Variants in DAB1 observed in about 807,000 individuals in gnomAD.
The protein encoded by DAB1 is disabled homolog 1.
Under a neutral mutation model 64.6 loss-of-function variants are expected in DAB1, and 15 were observed. The ratio of observed to expected loss-of-function variants is 0.23; its 90% CI spans 0.16 to 0.36. The LOEUF (loss-of-function observed/expected upper bound fraction) is 0.36, where lower values mean the gene tolerates loss of function less well. Among genes scored for constraint, DAB1 ranks in the 10% least tolerant of loss-of-function variants. The pLI, the probability that DAB1 is intolerant of heterozygous loss-of-function variation, is 1.00. For synonymous variants in DAB1, 235 were observed against 251.9 expected (o/e 0.93, Z 0.64); for missense variants, 596 against 706.7 (o/e 0.84, Z 1.78).
At chr1:57,514,709 G>A (rs746862560) in intron 7 of DAB1, among the ~76,000 whole-genome samples, 5 of 152,196 alleles carry the variant, frequency 3.3e-5, no homozygotes, top group Non-Finnish European at 7.3e-5. Context: ...ATGTCAAAGT[G>A]CTGGCAATAC....
At chr1:57,859,692 A>T (rs762321997) in intron 1 of DAB1, among the ~76,000 whole-genome samples, 1 of 152,168 alleles carries the variant, frequency 6.6e-6, no homozygotes, top group Non-Finnish European at 1.5e-5. Context: ...AAACATTTTC[A>T]TCTTTCCTGA....
intron 5 of DAB1, among the ~76,000 whole-genome samples, chr1:57,905,230 C>T (rs1228463178): frequency 2.0e-5 from 3 of 151,796 alleles, no homozygotes; most frequent in Non-Finnish European, 2.9e-5. Context: ...CATTAAACCC[C>T]TCTGCTCTGC....
chr1:57,464,464 T>C (rs4607907), intron 7 of DAB1, among the ~76,000 whole-genome samples: 77,302 of 151,934 alleles, frequency 0.51, 20,422 homozygotes, highest in Non-Finnish European at 0.6. Flanking sequence ...ACAATCTTGG[T>C]TTATCATCAT....
chr1:57,471,997 G>C (rs983676676), intron 7 of DAB1, among the ~76,000 whole-genome samples: 1 of 152,202 alleles, frequency 6.6e-6, no homozygotes, highest in African/African-American at 2.4e-5. Context: ...TAGGATTACA[G>C]GAGGGGAGAA....
intron 7 of DAB1, among the ~76,000 whole-genome samples, chr1:57,557,823 G>T (rs1156897946): frequency 1.3e-5 from 2 of 152,168 alleles, no homozygotes; most frequent in African/African-American, 2.4e-5. Context: ...GAAGGTGGTT[G>T]GTTGCTCCTA....
chr1:57,915,836 A>G (rs901710326), intron 5 of DAB1, among the ~76,000 whole-genome samples: 3 of 152,216 alleles, frequency 2.0e-5, no homozygotes, highest in South Asian at 2.1e-4. Context: ...CACAGTATGG[A>G]AAAAGTTCAT....
intron 4 of DAB1, among the ~76,000 whole-genome samples, chr1:57,096,277 C>A (rs1654157589): frequency 6.6e-6 from 1 of 152,068 alleles, no homozygotes; most frequent in African/African-American, 2.4e-5. Context: ...CTATTTTCAA[C>A]CTCTTTGCTT....
At chr1:58,253,018 C>T (rs1008612759) in intron 4 of DAB1, among the ~76,000 whole-genome samples, 1 of 152,178 alleles carries the variant, frequency 6.6e-6, no homozygotes, top group Non-Finnish European at 1.5e-5. Context: ...TAGAAACTTA[C>T]TCACTACTGC....
At chr1:57,161,699 CAT>C (rs1469588592) in intron 2 of DAB1, among the ~76,000 whole-genome samples, 14 of 152,030 alleles carry the variant, frequency 9.2e-5, no homozygotes, top group Middle Eastern at 6.8e-3. Context: ...CAAAGGGAAA[CAT>C]GTTCAAGACT....
chr1:57,131,994 A>C (rs186905543), intron 4 of DAB1, among the ~76,000 whole-genome samples: 1 of 152,250 alleles, frequency 6.6e-6, no homozygotes, highest in African/African-American at 2.4e-5. Flanking sequence ...TTCCTGAGTG[A>C]ATGCATATAT....
chr1:57,395,895 G>A (rs760038506), intron 1 of DAB1, among the ~76,000 whole-genome samples: 24 of 152,254 alleles, frequency 1.6e-4, no homozygotes, highest in African/African-American at 4.1e-4. Context: ...ATCAACCTCC[G>A]ATTTTACCTG....
At chr1:57,621,262 T>TTG (rs767388836) in intron 7 of DAB1, among the ~76,000 whole-genome samples, 46 of 63,662 alleles carry the variant, frequency 7.2e-4, no homozygotes, top group South Asian at 4.0e-3. Flanking sequence ...AGTGAGATTG[T>TTG]TGTGTGTGTG....
intron 6 of DAB1, among the ~76,000 whole-genome samples, chr1:57,752,646 G>A (rs970979219): frequency 6.6e-6 from 1 of 152,110 alleles, no homozygotes; most frequent in African/African-American, 2.4e-5. Flanking sequence ...GCAGACTGGT[G>A]GTGTGAAAAG....
intron 1 of DAB1, among the ~76,000 whole-genome samples, chr1:57,312,792 G>A (rs974699545): frequency 2.6e-5 from 4 of 152,082 alleles, no homozygotes; most frequent in African/African-American, 9.7e-5. Context: ...AGCAGTGGCC[G>A]GTGAGCAGCA....
intron 4 of DAB1, among the ~76,000 whole-genome samples, chr1:58,220,679 C>T (rs941725209): frequency 6.6e-6 from 1 of 152,090 alleles, no homozygotes; most frequent in Non-Finnish European, 1.5e-5. Flanking sequence ...GGGTAAATCA[C>T]TTTGTCCCAC....
At chr1:57,179,894 A>C (rs1281137071) in intron 2 of DAB1, among the ~76,000 whole-genome samples, 2 of 152,210 alleles carry the variant, frequency 1.3e-5, no homozygotes, top group African/African-American at 4.8e-5. Context: ...AGAGGATTAC[A>C]ATAGCATGCC....
chr1:58,185,070 A>G (rs899324653), intron 4 of DAB1, among the ~76,000 whole-genome samples: 23 of 152,352 alleles, frequency 1.5e-4, no homozygotes, highest in African/African-American at 5.1e-4. Flanking sequence ...CACATTCTGC[A>G]AAACAAAACA....
intron 2 of DAB1, among the ~76,000 whole-genome samples, chr1:57,158,077 T>C: frequency 6.6e-6 from 1 of 152,180 alleles, no homozygotes; most frequent in East Asian, 1.9e-4. Context: ...TGTTAGGCTC[T>C]TCATATGCAA....
chr1:57,198,922 C>T (rs975895056), intron 2 of DAB1, among the ~76,000 whole-genome samples: 1 of 152,108 alleles, frequency 6.6e-6, no homozygotes, highest in Non-Finnish European at 1.5e-5. Context: ...AAGTTGGGGC[C>T]TAGATCCCAA....
Sources: gnomAD v4.1 joint callset for allele counts (sites outside exome capture counted in the v4.1 genomes callset) on GRCh38, gnomAD v4.1.1 for gene constraint, MANE v1.5 for transcripts, NCBI Gene and HGNC (gene_info 2026-07-23, HGNC 2026-07-21) for gene names.